The following EEPD1 variants were observed in gnomAD, a reference collection of about 807,000 sequenced individuals.
EEPD1 encodes the protein endonuclease/exonuclease/phosphatase family domain containing 1.
A neutral mutation model predicts 46.3 loss-of-function variants in EEPD1; 17 were observed. The ratio of observed to expected loss-of-function variants is 0.37; its 90% CI spans 0.25 to 0.55. EEPD1 has a LOEUF of 0.55. Among genes scored for constraint, EEPD1 ranks in the 20% least tolerant of loss-of-function variants. EEPD1 has a pLI of 0.83. For missense variants in EEPD1, 673 were observed against 745.6 expected (o/e 0.90, Z 1.13); for synonymous variants, 313 against 315.6 (o/e 0.99, Z 0.09).
intron 2 of EEPD1, among the ~76,000 whole-genome samples, chr7:36,197,037 T>A (rs1290655875): frequency 2.3e-5 from 3 of 132,178 alleles, no homozygotes; most frequent in Non-Finnish European, 3.2e-5. Flanking sequence ...CCGTCTGGGA[T>A]GTGAGGAGCG....
In EEPD1 at chr7:36,195,723, T is replaced by C. The variant is rs964176589; in HGVS notation, c.878+40521T>C. Among the ~76,000 whole-genome samples, 11 of 152,246 alleles carry C rather than the reference T, an allele frequency of 7.2e-5. No individual in the cohort carries two copies. In the East Asian group the frequency reaches 1.7e-3, roughly 24 times the overall value. On this transcript the variant is annotated intron_variant, in intron 2 of 7. Coordinates refer to ENST00000242108, the MANE Select transcript of EEPD1 (RefSeq NM_030636.3). ...TAGAGAATAACAATGTATTCTATAA[T>C]TGAAAATTACTGAGAGTAGATTATA...
At chr7:36,186,343 G>A (rs761282905) in intron 2 of EEPD1, among the ~76,000 whole-genome samples, 1 of 152,126 alleles carries the variant, frequency 6.6e-6, no homozygotes, top group Non-Finnish European at 1.5e-5. Context: ...GTGGGGAAAG[G>A]GCTTTGAGTC....
intron 3 of EEPD1, among the ~76,000 whole-genome samples, chr7:36,239,597 T>A (rs1786519061): frequency 6.6e-6 from 1 of 152,140 alleles, no homozygotes; most frequent in Non-Finnish European, 1.5e-5. Context: ...AGAAACTGCC[T>A]CTCTGCCCCC....
chr7:36,243,353 T>C (rs1786587025), intron 3 of EEPD1, among the ~76,000 whole-genome samples: 1 of 152,034 alleles, frequency 6.6e-6, no homozygotes. Flanking sequence ...AACACCGTCA[T>C]TCTATTTGTG....
At position 36,153,622 on chromosome 7, in the gene EEPD1, G is replaced by T. The variant is rs1221882043; in HGVS notation, c.-245G>T. The T allele has an allele frequency of 6.6e-6, 1 of 152,572 alleles. No homozygotes were observed. The highest frequency in any genetic ancestry group is 1.5e-5 in the Non-Finnish European group (1 of 68,348). The allele number at this position is 152,572 out of a possible 1,614,324, so 9.5% of individuals were successfully genotyped here. On this transcript the variant is annotated 5_prime_UTR_variant, in exon 1 of 8. Transcript: ENST00000242108. Reference sequence around the variant, plus strand: ...CCGTGCTGTCCCGGGCTGGGCTCAGGCTTCCGAGCCGCAGGTGGAAGAGGA... The same window carrying T: ...CCGTGCTGTCCCGGGCTGGGCTCAGTCTTCCGAGCCGCAGGTGGAAGAGGA...
intron 3 of EEPD1, among the ~76,000 whole-genome samples, chr7:36,273,788 G>C (rs1787146477): frequency 6.6e-6 from 1 of 152,148 alleles, no homozygotes; most frequent in African/African-American, 2.4e-5. Flanking sequence ...TGTGTGCAGG[G>C]TCCCAGAGCT....
At chr7:36,192,514 TA>T (rs35068144) in intron 2 of EEPD1, among the ~76,000 whole-genome samples, 5 of 149,300 alleles carry the variant, frequency 3.3e-5, no homozygotes, top group African/African-American at 1.2e-4. Flanking sequence ...TCTCTTTCTT[TA>T]AAAAAAAAAA....
At position 36,299,455 on chromosome 7, in the gene EEPD1, G is replaced by A. The variant is rs914443542; in HGVS notation, c.*249G>A. The A allele has an allele frequency of 7.3e-6, 4 of 551,486 alleles. No homozygotes were observed. Among genetic ancestry groups the A allele is most frequent in the Non-Finnish European group, 1.3e-5 (4 of 308,304 alleles). 34.2% of individuals were successfully genotyped at this position (551,486 alleles called of 1,614,324 possible). The stretch of plus-strand genomic sequence containing the variant: ...GGGAGCGGAGACGCCTTTTATCTCT[G>A]GATGCCACAGACCTGAGCAGCATTG... On this transcript the variant is annotated 3_prime_UTR_variant, in exon 8 of 8. Coordinates refer to ENST00000242108, the MANE Select transcript of EEPD1 (RefSeq NM_030636.3).
At chr7:36,231,356 C>A (rs537676697) in intron 2 of EEPD1, among the ~76,000 whole-genome samples, 1 of 152,324 alleles carries the variant, frequency 6.6e-6, no homozygotes, top group East Asian at 1.9e-4. Flanking sequence ...CTAAATAAAT[C>A]ATTGCTATCA....
At chr7:36,199,714 C>G (rs1209837117) in intron 2 of EEPD1, among the ~76,000 whole-genome samples, 5 of 152,104 alleles carry the variant, frequency 3.3e-5, no homozygotes, top group Admixed American at 6.5e-5. Context: ...TTGCTTTACC[C>G]CTTGCTGAGA....
At chr7:36,167,938 G>A (rs1404056427) in intron 2 of EEPD1, among the ~76,000 whole-genome samples, 2 of 152,070 alleles carry the variant, frequency 1.3e-5, no homozygotes, top group Non-Finnish European at 1.5e-5. Context: ...TGGTCCCATA[G>A]TGCCCTTTAG....
At chr7:36,172,808 CA>C (rs34057127) in intron 2 of EEPD1, among the ~76,000 whole-genome samples, 120,535 of 149,500 alleles carry the variant, frequency 0.81, 49,377 homozygotes, top group Non-Finnish European at 0.88. Flanking sequence ...TAACCAAACC[CA>C]AAAAAAAGGA....
At chr7:36,258,586 T>C (rs1386477750) in intron 3 of EEPD1, among the ~76,000 whole-genome samples, 1 of 152,140 alleles carries the variant, frequency 6.6e-6, no homozygotes, top group Non-Finnish European at 1.5e-5. Flanking sequence ...TGCAGTGAGC[T>C]CCGCCCAGTT....
intron 2 of EEPD1, among the ~76,000 whole-genome samples, chr7:36,162,313 G>A (rs1207956671): frequency 6.6e-6 from 1 of 152,182 alleles, no homozygotes; most frequent in Non-Finnish European, 1.5e-5. Context: ...TCATTATAAA[G>A]GGAAGTGTGG....
rs1787146705 is a variant in EEPD1 at position 36,273,795 on chromosome 7, AGCTCCTCTGT to A, written c.931-7311_931-7302del. ...TTCAGTGATGTGTGCAGGGTCCCAG[AGCTCCTCTGT>A]GCTCCTCTCCTTCCACCCATAAATG... is the stretch of plus-strand genomic sequence containing the variant. On this transcript the variant is annotated intron_variant, in intron 3 of 7. Coordinates refer to ENST00000242108, the MANE Select transcript of EEPD1 (RefSeq NM_030636.3). Among the ~76,000 whole-genome samples the A allele has an allele frequency of 2.6e-5, 4 of 152,184 alleles. No individual in the cohort carries two copies. In the South Asian group the frequency reaches 8.3e-4, roughly 32 times the overall value.
At chr7:36,265,599 C>G (rs1281161315) in intron 3 of EEPD1, among the ~76,000 whole-genome samples, 1 of 152,188 alleles carries the variant, frequency 6.6e-6, no homozygotes, top group Non-Finnish European at 1.5e-5. Context: ...GGCTTTCTCT[C>G]TCTTCCATCT....
chr7:36,282,548 T>C (rs1297943589), intron 4 of EEPD1, among the ~76,000 whole-genome samples: 2 of 152,196 alleles, frequency 1.3e-5, no homozygotes, highest in Non-Finnish European at 2.9e-5. Context: ...CAACATGAGG[T>C]TGCAGGGAGA....
At position 36,203,183 on chromosome 7, in the gene EEPD1, C is replaced by T. The variant is rs1373978276; in HGVS notation, c.879-35802C>T. Among the ~76,000 whole-genome samples, 5 of 152,246 alleles carry T rather than the reference C, an allele frequency of 3.3e-5. No individual in the cohort carries two copies. The South Asian group carries it at 1.0e-3, about 32-fold the overall frequency. ...AAGTGGTGCTCATGACAGTGCTGCTCCTCGTGGCAGGGCCATGCCAGTGTG... is the reference window on the plus strand; with the variant it reads ...AAGTGGTGCTCATGACAGTGCTGCTTCTCGTGGCAGGGCCATGCCAGTGTG... On this transcript the variant is annotated intron_variant, in intron 2 of 7. Transcript: ENST00000242108.
chr7:36,277,459 A>G (rs961626188), intron 3 of EEPD1, among the ~76,000 whole-genome samples: 2 of 152,188 alleles, frequency 1.3e-5, no homozygotes, highest in African/African-American at 4.8e-5. Flanking sequence ...TCGTAGCTCA[A>G]CTGGGGTCTT....
Sources: allele counts gnomAD v4.1 joint callset (sites outside exome capture counted in the v4.1 genomes callset), GRCh38; gene constraint gnomAD v4.1.1; transcripts MANE v1.5; gene names NCBI Gene and HGNC (gene_info 2026-07-23, HGNC 2026-07-21).